Variants in MGAT4C observed in about 807,000 individuals in gnomAD.
MGAT4C encodes the protein alpha-1,3-mannosyl-glycoprotein 4-beta-N-acetylglucosaminyltransferase C.
A neutral mutation model predicts 40.1 loss-of-function variants in MGAT4C; 19 were observed. The observed-to-expected ratio is 0.47, with a 90% CI of 0.33 to 0.70. The LOEUF (loss-of-function observed/expected upper bound fraction) is 0.70, where lower values mean the gene tolerates loss of function less well. Ranked by LOEUF, MGAT4C falls within the 30% of genes least tolerant of loss-of-function variation. The probability of loss-of-function intolerance (pLI) is 0.02; values close to 1 mark genes in which losing one functional copy is unlikely to be tolerated. For missense variants in MGAT4C, 491 were observed against 563.2 expected, an observed-to-expected ratio of 0.87 and a Z score of 1.30; for synonymous variants, 181 against 187.1, an observed-to-expected ratio of 0.97 and a Z score of 0.27.
chr12:86,017,984 T>A (rs1889263451), intron 2 of MGAT4C, among the ~76,000 whole-genome samples: 1 of 152,136 alleles, frequency 6.6e-6, no homozygotes, highest in African/African-American at 2.4e-5. Context: ...GATGCTGATA[T>A]GAAATGACAA....
At chr12:86,239,413 T>A (rs1951686838) in intron 1 of MGAT4C, among the ~76,000 whole-genome samples, 1 of 152,118 alleles carries the variant, frequency 6.6e-6, no homozygotes, top group African/African-American at 2.4e-5. Context: ...GCCATCTCTC[T>A]CTCTCTCTCT....
intron 1 of MGAT4C, among the ~76,000 whole-genome samples, chr12:86,212,851 A>C (rs2452809): frequency 0.81 from 40,029 of 49,408 alleles, 17,243 homozygotes; most frequent in East Asian, 1. Context: ...GAGATCCCGC[A>C]GCTGCACTCC....
At chr12:86,566,224 A>G (rs1461437834) in intron 2 of MGAT4C, among the ~76,000 whole-genome samples, 1 of 151,936 alleles carries the variant, frequency 6.6e-6, no homozygotes, top group African/African-American at 2.4e-5. Flanking sequence ...GGTGTTGCCA[A>G]AGGAGATTAA....
intron 2 of MGAT4C, among the ~76,000 whole-genome samples, chr12:86,021,245 C>T (rs1372962145): frequency 6.6e-6 from 1 of 152,074 alleles, no homozygotes; most frequent in East Asian, 1.9e-4. Flanking sequence ...TGGGTATATA[C>T]CCAAAGGATT....
intron 2 of MGAT4C, among the ~76,000 whole-genome samples, chr12:86,504,349 G>A (rs1455676179): frequency 3.3e-5 from 5 of 152,086 alleles, no homozygotes; most frequent in Non-Finnish European, 7.4e-5. Context: ...AATATTCATA[G>A]AAGCAATTAT....
At chr12:86,037,928 C>T (rs7305379) in intron 2 of MGAT4C, among the ~76,000 whole-genome samples, 58,771 of 148,336 alleles carry the variant, frequency 0.4, 14,446 homozygotes, top group African/African-American at 0.5. Flanking sequence ...GGAGTCTAAG[C>T]GTTGGGGTGA....
intron 3 of MGAT4C, among the ~76,000 whole-genome samples, chr12:86,373,026 A>C (rs1955750367): frequency 6.6e-6 from 1 of 151,332 alleles, no homozygotes; most frequent in Non-Finnish European, 1.5e-5. Flanking sequence ...AACAAAAGGC[A>C]AAAGAAGGCA....
At chr12:86,584,833 T>G (rs1960940581) in intron 2 of MGAT4C, among the ~76,000 whole-genome samples, 1 of 151,416 alleles carries the variant, frequency 6.6e-6, no homozygotes, top group East Asian at 1.9e-4. Flanking sequence ...TCAATCATCA[T>G]GTCCACGATG....
chr12:86,247,646 T>G (rs539388234), intron 1 of MGAT4C, among the ~76,000 whole-genome samples: 1 of 152,226 alleles, frequency 6.6e-6, no homozygotes, highest in Non-Finnish European at 1.5e-5. Context: ...AAATTTGAAG[T>G]AAACATGTGG....
intron 1 of MGAT4C, among the ~76,000 whole-genome samples, chr12:86,061,861 G>T (rs1894007177): frequency 1.3e-5 from 2 of 152,124 alleles, no homozygotes; most frequent in South Asian, 4.1e-4. Flanking sequence ...TGAAAAAAAG[G>T]CAGCAGCCTC....
chr12:86,318,708 C>T (rs1954304148), intron 4 of MGAT4C, among the ~76,000 whole-genome samples: 1 of 151,880 alleles, frequency 6.6e-6, no homozygotes. Context: ...TTATATTTAT[C>T]ATATTATATG....
chr12:86,626,843 C>A (rs1037642905), intron 2 of MGAT4C, among the ~76,000 whole-genome samples: 2 of 152,164 alleles, frequency 1.3e-5, no homozygotes, highest in Non-Finnish European at 2.9e-5. Flanking sequence ...AACTGAGGTA[C>A]CTGGTTCAAC....
intron 1 of MGAT4C, among the ~76,000 whole-genome samples, chr12:86,110,059 T>G (rs1225086533): frequency 6.7e-6 from 1 of 150,352 alleles, no homozygotes; most frequent in African/African-American, 2.4e-5. Context: ...CTTCAGGAAT[T>G]TTGAGGGTCA....
intron 1 of MGAT4C, among the ~76,000 whole-genome samples, chr12:86,825,284 A>C (rs2136230689): frequency 6.9e-6 from 1 of 145,440 alleles, no homozygotes. Flanking sequence ...TCTCAAATCC[A>C]TAAATGTGAG....
chr12:86,051,271 T>C (rs1351072809), intron 1 of MGAT4C, among the ~76,000 whole-genome samples: 1 of 151,992 alleles, frequency 6.6e-6, no homozygotes, highest in Non-Finnish European at 1.5e-5. Context: ...TTAAATATAA[T>C]TCAGGATACA....
intron 1 of MGAT4C, among the ~76,000 whole-genome samples, chr12:86,790,681 A>G (rs1952007024): frequency 6.6e-6 from 1 of 152,046 alleles, no homozygotes. Flanking sequence ...GTATTGAGAA[A>G]CCTAAGCCAC....
intron 1 of MGAT4C, among the ~76,000 whole-genome samples, chr12:86,082,879 C>T (rs564886021): frequency 2.6e-5 from 4 of 151,520 alleles, no homozygotes; most frequent in Admixed American, 2.0e-4. Context: ...GTCAAGAATA[C>T]CTTTTATTTA....
At chr12:86,575,683 C>T (rs909032076) in intron 2 of MGAT4C, among the ~76,000 whole-genome samples, 1 of 151,880 alleles carries the variant, frequency 6.6e-6, no homozygotes, top group African/African-American at 2.4e-5. Context: ...GTCCAGGTAT[C>T]TCATTGATAT....
intron 2 of MGAT4C, among the ~76,000 whole-genome samples, chr12:85,992,219 C>T (rs537839523): frequency 6.6e-6 from 1 of 152,328 alleles, no homozygotes; most frequent in African/African-American, 2.4e-5. Flanking sequence ...GGACTTAAGA[C>T]ATGGAGAACA....
Sources: gnomAD v4.1 joint callset for allele counts (sites outside exome capture counted in the v4.1 genomes callset) on GRCh38, gnomAD v4.1.1 for gene constraint, MANE v1.5 for transcripts, NCBI Gene and HGNC (gene_info 2026-07-23, HGNC 2026-07-21) for gene names.